The following DAPP1 variants were observed in gnomAD, a reference collection of about 807,000 sequenced individuals.
DAPP1 encodes dual adapter for phosphotyrosine and 3-phosphotyrosine and 3-phosphoinositide.
A neutral mutation model predicts 41.5 loss-of-function variants in DAPP1; 20 were observed. The ratio of observed to expected loss-of-function variants is 0.48; its 90% CI spans 0.34 to 0.70. The LOEUF is 0.70. Among genes scored for constraint, DAPP1 ranks in the 30% least tolerant of loss-of-function variants. The pLI is 0.01. For missense variants in DAPP1, 233 were observed against 333.4 expected (o/e 0.70, Z 2.35); for synonymous variants, 113 against 116.2 (o/e 0.97, Z 0.18).
rs1724524532 is a variant in DAPP1, at chr4:99,868,103, G to A, written c.775-14G>A. 4 of 1,610,246 alleles carry A rather than the reference G, an allele frequency of 2.5e-6. No individual in the cohort carries two copies. Among genetic ancestry groups the A allele is most frequent in the Non-Finnish European group, 3.4e-6 (4 of 1,176,662 alleles). ...CACTCAATAATGGATACACGTGTGT[G>A]TACTTTATTACAGTCACAAATAAGA... On this transcript the variant is annotated splice_polypyrimidine_tract_variant and intron_variant, in intron 8 of 8. Transcript: ENST00000512369.
At chr4:99,833,988 C>G (rs555844403) in intron 1 of DAPP1, among the ~76,000 whole-genome samples, 1 of 152,210 alleles carries the variant, frequency 6.6e-6, no homozygotes, top group African/African-American at 2.4e-5. Context: ...ACATGAGGAA[C>G]CAAAGCTCAG....
intron 4 of DAPP1, among the ~76,000 whole-genome samples, chr4:99,857,296 C>A (rs1394198936): frequency 6.6e-6 from 1 of 152,074 alleles, no homozygotes; most frequent in Non-Finnish European, 1.5e-5. Flanking sequence ...AAGGCTAACT[C>A]TGCAGGAGGG....
intron 8 of DAPP1, chr4:99,866,619 G>C (rs772293074): frequency 5.7e-5 from 44 of 765,378 alleles, no homozygotes; most frequent in Non-Finnish European, 1.0e-4. Context: ...AGAAGACTGA[G>C]TGAGTACTTA....
intron 7 of DAPP1, among the ~76,000 whole-genome samples, chr4:99,864,599 T>G (rs1479998114): frequency 6.6e-6 from 1 of 152,184 alleles, no homozygotes; most frequent in African/African-American, 2.4e-5. Flanking sequence ...GGGTGTCTTT[T>G]TAAAATTTGC....
intron 1 of DAPP1, among the ~76,000 whole-genome samples, chr4:99,818,920 C>G (rs556672388): frequency 1.3e-5 from 2 of 152,254 alleles, no homozygotes; most frequent in African/African-American, 4.8e-5. Context: ...TTGTCAAACT[C>G]TCCAAGTAAT....
chr4:99,866,420 G>T, intron 8 of DAPP1: 1 of 685,238 alleles, frequency 1.5e-6, no homozygotes, highest in East Asian at 2.7e-5. Flanking sequence ...TGTCTGGAGG[G>T]GGACATTTAG....
intron 3 of DAPP1, among the ~76,000 whole-genome samples, chr4:99,841,086 G>A (rs969319155): frequency 6.6e-6 from 1 of 152,128 alleles, no homozygotes; most frequent in Non-Finnish European, 1.5e-5. Flanking sequence ...CTGTATTTGT[G>A]ATATAGAATC....
chr4:99,829,916 T>C (rs1723063945), intron 1 of DAPP1, among the ~76,000 whole-genome samples: 1 of 152,238 alleles, frequency 6.6e-6, no homozygotes. Flanking sequence ...GTTTGTGATA[T>C]TTTTGTTTTT....
intron 3 of DAPP1, among the ~76,000 whole-genome samples, chr4:99,850,778 A>G (rs1321192465): frequency 1.3e-5 from 2 of 152,212 alleles, no homozygotes; most frequent in African/African-American, 4.8e-5. Context: ...CATGTCCCCA[A>G]AGATGCAATC....
At chr4:99,850,574 G>A (rs1272573288) in intron 3 of DAPP1, among the ~76,000 whole-genome samples, 2 of 152,168 alleles carry the variant, frequency 1.3e-5, no homozygotes, top group African/African-American at 4.8e-5. Context: ...TAAAGTATAA[G>A]AGTTCAAAAT....
intron 1 of DAPP1, among the ~76,000 whole-genome samples, chr4:99,827,219 TAA>T (rs1170057802): frequency 6.6e-6 from 1 of 152,098 alleles, no homozygotes; most frequent in Non-Finnish European, 1.5e-5. Context: ...TTCCCAGTAG[TAA>T]AAAGTTTCTT....
chr4:99,854,626 A>T (rs1033576960), intron 4 of DAPP1, among the ~76,000 whole-genome samples: 1 of 145,228 alleles, frequency 6.9e-6, no homozygotes, highest in Non-Finnish European at 1.5e-5. Flanking sequence ...CTACTCCCAC[A>T]CTCACACTGT....
At chr4:99,835,602 G>T (rs1051084180) in intron 1 of DAPP1, 21 bp from the exon 2 acceptor site, 4 of 1,610,632 alleles carry the variant, frequency 2.5e-6, no homozygotes, top group Non-Finnish European at 3.4e-6. Flanking sequence ...CTGAGTGAAA[G>T]CGCTGTTCCC....
At chr4:99,817,862 A>T (rs1422184492) in intron 1 of DAPP1, among the ~76,000 whole-genome samples, 5 of 152,228 alleles carry the variant, frequency 3.3e-5, no homozygotes, top group Admixed American at 3.3e-4. Flanking sequence ...CTAACTCTTC[A>T]TAGCAATCCA....
At chr4:99,829,770 C>CT (rs141009672) in intron 1 of DAPP1, among the ~76,000 whole-genome samples, 1,736 of 152,166 alleles carry the variant, frequency 0.011, 41 homozygotes, top group African/African-American at 0.039. Context: ...TCCATTCCCC[C>CT]ATAGAAAATT....
intron 3 of DAPP1, 27 bp downstream of exon 3, chr4:99,840,449 A>T: frequency 6.3e-7 from 1 of 1,599,668 alleles, no homozygotes; most frequent in East Asian, 2.2e-5. Flanking sequence ...CACTTGACTT[A>T]TGAAATAATG....
chr4:99,840,536 TGAAGA>T, intron 3 of DAPP1, 114 bp downstream of exon 3: 2 of 1,236,764 alleles, frequency 1.6e-6, no homozygotes, highest in Non-Finnish European at 2.2e-6. Flanking sequence ...AGCATTATCT[TGAAGA>T]GAAAACAATG....
In DAPP1 at chr4:99,868,347, C is replaced by G; in HGVS notation, c.*162C>G. 1 of 632,260 alleles carries G rather than the reference C, an allele frequency of 1.6e-6. No individual in the cohort carries two copies. Among genetic ancestry groups the G allele is most frequent in the Non-Finnish European group, 2.8e-6 (1 of 358,194 alleles). 39.2% of individuals were successfully genotyped at this position (632,260 alleles called of 1,614,324 possible). On this transcript the variant is annotated 3_prime_UTR_variant, in exon 9 of 9. Transcript: ENST00000512369. The stretch of plus-strand genomic sequence containing the variant: ...GGACCCATATACCACGTTGCTGACT[C>G]ACGTTGCTGCCCTTCCATGATGTTG...
chr4:99,868,159 C>T lies in DAPP1; in HGVS notation c.817C>T (p.Arg273Ter), dbSNP rs200809136. The T allele has an allele frequency of 8.6e-5, 138 of 1,613,794 alleles. 2 individuals are homozygous for T. In the South Asian group the frequency reaches 9.8e-4, roughly 11 times the overall value. Residue 273 changes from arginine (R) to a stop codon, truncating the protein, a stop_gained, in exon 9 of 9, where the codon CGA (arginine) becomes TGA (stop). Coordinates refer to ENST00000512369, the MANE Select transcript of DAPP1 (RefSeq NM_014395.3). LOFTEE classifies it high-confidence loss of function. ...KQLNQGEGTIRSRSFIFK is the reference protein window; with the variant it reads ...KQLNQGEGTI ...GCTCAACCAAGGGGAAGGCACGATCCGATCTCGGTCGTTCATCTTTAAATA... is the reference window on the plus strand; with the variant it reads ...GCTCAACCAAGGGGAAGGCACGATCTGATCTCGGTCGTTCATCTTTAAATA...
Sources: allele counts gnomAD v4.1 joint callset (sites outside exome capture counted in the v4.1 genomes callset), GRCh38; gene constraint gnomAD v4.1.1; transcripts MANE v1.5; gene names NCBI Gene and HGNC (gene_info 2026-07-23, HGNC 2026-07-21).